Variants in ESR1 observed in about 807,000 individuals in gnomAD.
ESR1 encodes the protein estrogen receptor 1.
A neutral mutation model predicts 52.7 loss-of-function variants in ESR1; 12 were observed. The observed-to-expected ratio is 0.23, with a 90% CI of 0.15 to 0.37. ESR1 has a LOEUF of 0.37. Among genes scored for constraint, ESR1 ranks in the 10% least tolerant of loss-of-function variants. The probability of loss-of-function intolerance (pLI) is 1.00; values close to 1 mark genes in which losing one functional copy is unlikely to be tolerated. For synonymous variants in ESR1, 305 were observed against 316.8 expected (o/e 0.96, Z 0.39); for missense variants, 584 against 779.7 (o/e 0.75, Z 2.99).
chr6:151,725,090 G>T (rs1486699383), intron 2 of ESR1, among the ~76,000 whole-genome samples: 1 of 152,038 alleles, frequency 6.6e-6, no homozygotes, highest in Non-Finnish European at 1.5e-5. Flanking sequence ...CTTTCATTTT[G>T]TGTGTGATCC....
intron 3 of ESR1, among the ~76,000 whole-genome samples, chr6:151,907,605 G>A (rs1275764741): frequency 6.6e-6 from 1 of 151,920 alleles, no homozygotes; most frequent in Non-Finnish European, 1.5e-5. Flanking sequence ...TATTAGAGGA[G>A]CTGCATTAAT....
chr6:152,092,807 A>G (rs1424456180), intron 6 of ESR1, among the ~76,000 whole-genome samples: 1 of 152,134 alleles, frequency 6.6e-6, no homozygotes, highest in Non-Finnish European at 1.5e-5. Context: ...TTCTTACTTC[A>G]CGGTCACTCA....
chr6:151,828,664 C>T (rs750477310), intron 1 of ESR1, among the ~76,000 whole-genome samples: 7 of 152,108 alleles, frequency 4.6e-5, no homozygotes, highest in Non-Finnish European at 8.8e-5. Context: ...TCAAAGAGGT[C>T]GTAATAGCAT....
At chr6:152,011,471 GA>G (rs1306627862) in intron 4 of ESR1, among the ~76,000 whole-genome samples, 184 bp from the exon 5 acceptor site, 1 of 152,092 alleles carries the variant, frequency 6.6e-6, no homozygotes, top group Non-Finnish European at 1.5e-5. Context: ...ATGCCACATT[GA>G]AATTCATTGA....
At position 151,988,189 on chromosome 6, in the gene ESR1, A is replaced by G. The variant is rs371244760; in HGVS notation, c.1097-23467A>G. Among the ~76,000 whole-genome samples, 87 of 152,240 alleles carry G rather than the reference A, an allele frequency of 5.7e-4. 3 individuals are homozygous for G. The highest frequency in any genetic ancestry group is 2.0e-3 in the African/African-American group (83 of 41,486). On this transcript the variant is annotated intron_variant, in intron 4 of 7. Coordinates refer to ENST00000206249, the MANE Select transcript of ESR1 (RefSeq NM_000125.4). Reference sequence around the variant, plus strand: ...TAAGGAAGTAATTATACAACTTACCATAACATAGAATCAATGGGAGCCTTG... The same window carrying G: ...TAAGGAAGTAATTATACAACTTACCGTAACATAGAATCAATGGGAGCCTTG...
At chr6:151,986,948 C>T (rs577025042) in intron 4 of ESR1, among the ~76,000 whole-genome samples, 7 of 151,872 alleles carry the variant, frequency 4.6e-5, no homozygotes, top group Non-Finnish European at 7.4e-5. Context: ...TGTGTGTGCG[C>T]GCCCATGGGT....
chr6:152,068,283 A>G (rs1485779243), intron 6 of ESR1, among the ~76,000 whole-genome samples: 1 of 152,236 alleles, frequency 6.6e-6, no homozygotes, highest in Non-Finnish European at 1.5e-5. Flanking sequence ...TTCTGTATTT[A>G]GTTGAGATAC....
intron 4 of ESR1, among the ~76,000 whole-genome samples, chr6:151,996,553 A>G (rs1014915441): frequency 3.3e-5 from 5 of 152,044 alleles, no homozygotes; most frequent in Non-Finnish European, 5.9e-5. Context: ...TAGATTGCAA[A>G]TGGTGCCTCT....
chr6:151,736,503 G>GC (rs1469068233), intron 2 of ESR1, among the ~76,000 whole-genome samples: 2 of 151,458 alleles, frequency 1.3e-5, no homozygotes, highest in African/African-American at 4.9e-5. Context: ...CTCCTTGGTA[G>GC]CTGGGACTAC....
rs911119969 is a variant in ESR1, at chr6:152,101,013, A to T, written c.*2047A>T. ...TTTAATTTGACTGGGTTAACATGCA[A>T]AAACCAAGGAAAAATATTTAGTTTT... On this transcript the variant is annotated 3_prime_UTR_variant, in exon 8 of 8. Transcript: ENST00000206249. 1 of 231,136 alleles carries T rather than the reference A, an allele frequency of 4.3e-6. No homozygotes were observed. The highest frequency in any genetic ancestry group is 2.2e-5 in the African/African-American group (1 of 44,994). The allele number at this position is 231,136 out of a possible 1,614,324, so 14.3% of individuals were successfully genotyped here.
rs1778148966 is a variant in ESR1, at chr6:151,807,971, G to T, written c.59G>T (p.Gly20Val). 6.2e-7 allele frequency: 1 copy of T among 1,614,002 alleles called. No individual in the cohort carries two copies. Among genetic ancestry groups the T allele is most frequent in the Non-Finnish European group, 8.5e-7 (1 of 1,180,010 alleles). Reference sequence around the variant, plus strand: ...ATGGCCCTACTGCATCAGATCCAAGGGAACGAGCTGGAGCCCCTGAACCGT... The same window carrying T: ...ATGGCCCTACTGCATCAGATCCAAGTGAACGAGCTGGAGCCCCTGAACCGT... The part of the protein sequence containing the change: ...SGMALLHQIQ[G>V]NELEPLNRPQ... The change falls in exon 1 of 8, where the codon GGG becomes GTG. Residue 20 changes from glycine to valine, a missense_variant. Gly to Val is a moderately radical substitution (Grantham distance 109). This residue lies in a region of ESR1 where 251 missense variants were observed against 246.1 expected (regional missense o/e 1.02). Transcript: ENST00000206249.
intron 1 of ESR1, among the ~76,000 whole-genome samples, chr6:151,829,001 A>C (rs779140095): frequency 1.3e-4 from 20 of 152,234 alleles, no homozygotes; most frequent in Non-Finnish European, 2.6e-4. Flanking sequence ...TAACTTTCGC[A>C]TCAAAGAGGT....
rs552914697 is a variant in ESR1, at chr6:152,093,397, G to A, written c.1370-988G>A. 8.8e-4 allele frequency among the ~76,000 whole-genome samples: 127 copies of A among 144,068 alleles called. 1 individual carries two copies. The highest frequency in any genetic ancestry group is 5.6e-3 in the Admixed American group (80 of 14,246). 94.5% of individuals were successfully genotyped at this position (144,068 alleles called of 152,430 possible). A position where few individuals can be genotyped will look rare whatever the true frequency, so the allele number is the denominator to read the frequency against. Reference sequence around the variant, plus strand: ...CCCCCCCACACTATCACCTCTCCTTGTTGTCAGTAGTTTCCTTTCTGCAGA... The same window carrying A: ...CCCCCCCACACTATCACCTCTCCTTATTGTCAGTAGTTTCCTTTCTGCAGA... On this transcript the variant is annotated intron_variant, in intron 6 of 7. Transcript: ENST00000206249.
intron 2 of ESR1, among the ~76,000 whole-genome samples, chr6:151,865,139 A>T (rs1562491286): frequency 6.6e-6 from 1 of 152,148 alleles, no homozygotes; most frequent in Non-Finnish European, 1.5e-5. Context: ...AAACACTATT[A>T]ACAATTTCTT....
chr6:151,681,987 G>A (rs574676502), intron 1 of ESR1, among the ~76,000 whole-genome samples: 1 of 152,320 alleles, frequency 6.6e-6, no homozygotes, highest in East Asian at 1.9e-4. Flanking sequence ...ACCACACAGG[G>A]CGCGGAGAAA....
chr6:151,882,354 C>T (rs1272084962), intron 3 of ESR1, among the ~76,000 whole-genome samples: 5 of 152,170 alleles, frequency 3.3e-5, no homozygotes, highest in African/African-American at 7.2e-5. Context: ...TATGACTATA[C>T]ATCTTGAACA....
chr6:151,806,557 T>TATATATAC (rs1554259008), upstream of ESR1, among the ~76,000 whole-genome samples: 238 of 133,736 alleles, frequency 1.8e-3, 4 homozygotes, highest in East Asian at 9.0e-3. Flanking sequence ...TATATATATA[T>TATATATAC]ACACATATAT....
intron 3 of ESR1, among the ~76,000 whole-genome samples, chr6:151,899,515 C>T (rs931201787): frequency 3.5e-5 from 5 of 144,404 alleles, no homozygotes; most frequent in South Asian, 2.2e-4. Flanking sequence ...GGCGGCTGGC[C>T]GGGCGGGGGG....
chr6:151,834,946 T>C (rs191437577), intron 1 of ESR1, among the ~76,000 whole-genome samples: 70 of 152,118 alleles, frequency 4.6e-4, no homozygotes, highest in African/African-American at 1.6e-3. Context: ...GCTTTACTCT[T>C]GTTGTGGTGA....
Sources: allele counts gnomAD v4.1 joint callset (sites outside exome capture counted in the v4.1 genomes callset), GRCh38; gene constraint gnomAD v4.1.1; regional missense constraint gnomAD v4.1.1; transcripts MANE v1.5; gene names NCBI Gene and HGNC (gene_info 2026-07-23, HGNC 2026-07-21).